Variants in STAG1 observed in about 807,000 individuals in gnomAD.
The protein encoded by STAG1 is STAG1 cohesin complex component, also known as cohesin subunit SA-1.
STAG1 carries 26 observed loss-of-function variants against 170.9 expected under a neutral mutation model. The ratio of observed to expected loss-of-function variants is 0.15; its 90% CI spans 0.11 to 0.21. STAG1 has a LOEUF of 0.21. Among genes scored for constraint, STAG1 ranks in the 10% least tolerant of loss-of-function variants. The probability of loss-of-function intolerance (pLI) is 1.00; values close to 1 mark genes in which losing one functional copy is unlikely to be tolerated. For synonymous variants in STAG1, 514 were observed against 497.7 expected (o/e 1.03, Z -0.44); for missense variants, 964 against 1,509.5 (o/e 0.64, Z 5.99).
At chr3:136,659,908 A>G (rs918016027) in intron 1 of STAG1, among the ~76,000 whole-genome samples, 1 of 152,170 alleles carries the variant, frequency 6.6e-6, no homozygotes, top group African/African-American at 2.4e-5. Context: ...GCTGGGCATG[A>G]TAGTTCATAT....
intron 1 of STAG1, among the ~76,000 whole-genome samples, chr3:136,648,430 C>T (rs1941104856): frequency 1.3e-5 from 2 of 152,192 alleles, no homozygotes; most frequent in Non-Finnish European, 1.5e-5. Flanking sequence ...ATGACTCCAA[C>T]ATCTTTATTT....
chr3:136,377,228 A>T (rs538603519), intron 23 of STAG1, among the ~76,000 whole-genome samples: 77 of 149,370 alleles, frequency 5.2e-4, no homozygotes, highest in African/African-American at 1.9e-3. Context: ...TCTACTAAAA[A>T]TACAAAAAAT....
intron 9 of STAG1, among the ~76,000 whole-genome samples, chr3:136,488,474 A>G (rs1299217762): frequency 6.6e-6 from 1 of 152,252 alleles, no homozygotes; most frequent in Non-Finnish European, 1.5e-5. Context: ...TTACATGGCA[A>G]AAGATAATTA....
At chr3:136,601,437 A>T (rs1369410715) in intron 4 of STAG1, among the ~76,000 whole-genome samples, 1 of 152,204 alleles carries the variant, frequency 6.6e-6, no homozygotes, top group East Asian at 1.9e-4. Context: ...AAGAAGTTGA[A>T]AGGTGGGTTA....
chr3:136,714,919 A>C (rs1393638566), intron 1 of STAG1, among the ~76,000 whole-genome samples: 5 of 124,116 alleles, frequency 4.0e-5, no homozygotes, highest in Non-Finnish European at 8.1e-5. Flanking sequence ...AAAAAAAAAA[A>C]AAACAAATAT....
intron 6 of STAG1, among the ~76,000 whole-genome samples, chr3:136,526,541 CTT>C (rs1343807136): frequency 1.3e-5 from 2 of 152,274 alleles, no homozygotes; most frequent in East Asian, 1.9e-4. Context: ...GGTCTTGACT[CTT>C]TATCCAATTT....
At chr3:136,428,752 T>C (rs1448103509) in intron 16 of STAG1, among the ~76,000 whole-genome samples, 1 of 152,104 alleles carries the variant, frequency 6.6e-6, no homozygotes, top group Non-Finnish European at 1.5e-5. Flanking sequence ...ACAGAACCAA[T>C]CAAGAAAATC....
At chr3:136,378,103 GAAA>G (rs1412925063) in intron 22 of STAG1, among the ~76,000 whole-genome samples, 1 of 152,178 alleles carries the variant, frequency 6.6e-6, no homozygotes, top group African/African-American at 2.4e-5. Context: ...GCAGCACACT[GAAA>G]AAACTCAATT....
chr3:136,703,826 A>T (rs1000022039), intron 1 of STAG1, among the ~76,000 whole-genome samples: 3 of 152,002 alleles, frequency 2.0e-5, no homozygotes, highest in Non-Finnish European at 4.4e-5. Flanking sequence ...CCTGGCCAAC[A>T]TGGTGAAACC....
intron 6 of STAG1, among the ~76,000 whole-genome samples, chr3:136,530,305 G>A (rs1257708044): frequency 4.6e-5 from 7 of 151,992 alleles, no homozygotes; most frequent in African/African-American, 1.2e-4. Flanking sequence ...CTCAGCATTC[G>A]ATCATCTAGA....
intron 32 of STAG1, among the ~76,000 whole-genome samples, chr3:136,340,188 CTT>C (rs980799520): frequency 3.3e-5 from 5 of 152,082 alleles, no homozygotes; most frequent in African/African-American, 1.2e-4. Flanking sequence ...GAGTTTCGCT[CTT>C]GTTGTCCAGG....
intron 1 of STAG1, among the ~76,000 whole-genome samples, chr3:136,722,885 G>T (rs978869693): frequency 2.0e-5 from 3 of 152,174 alleles, no homozygotes; most frequent in African/African-American, 4.8e-5. Context: ...GTGGAGACGG[G>T]GTTTCGCTGT....
intron 9 of STAG1, among the ~76,000 whole-genome samples, chr3:136,494,859 G>A (rs1932998258): frequency 6.6e-6 from 1 of 152,064 alleles, no homozygotes. Context: ...ATTAAGATAA[G>A]GAATAAATTC....
At chr3:136,527,351 A>G (rs1023211203) in intron 6 of STAG1, among the ~76,000 whole-genome samples, 1 of 152,026 alleles carries the variant, frequency 6.6e-6, no homozygotes, top group African/African-American at 2.4e-5. Flanking sequence ...TTTGATCTTC[A>G]ATCACCGATA....
At chr3:136,379,898 C>G (rs1469400103) in intron 22 of STAG1, among the ~76,000 whole-genome samples, 1 of 152,132 alleles carries the variant, frequency 6.6e-6, no homozygotes, top group Non-Finnish European at 1.5e-5. Flanking sequence ...TGAGGAACTA[C>G]TGAAGAAGGA....
intron 1 of STAG1, among the ~76,000 whole-genome samples, chr3:136,730,423 AC>A (rs1202102771): frequency 3.3e-5 from 5 of 152,174 alleles, no homozygotes; most frequent in Non-Finnish European, 7.4e-5. Context: ...CCTGGACTCA[AC>A]CACTTTCCAG....
rs71626007 is a variant in STAG1 at position 136,589,628 on chromosome 3, C to CAAA, written c.297+14678_297+14680dup. On this transcript the variant is annotated intron_variant, in intron 4 of 33. Transcript: ENST00000383202. ...CTCCAGCCTGGGCAACAAAGGGAGC[C>CAAA]AAAAAAAAAAAAAAAAAAAAAGCCA... Among the ~76,000 whole-genome samples the CAAA allele has an allele frequency of 8.6e-3, 396 of 46,128 alleles. 12 individuals are homozygous for CAAA. Among genetic ancestry groups the CAAA allele is most frequent in the African/African-American group, 0.026 (369 of 14,190 alleles). 30.3% of individuals were successfully genotyped at this position (46,128 alleles called of 152,430 possible). A position where few individuals can be genotyped will look rare whatever the true frequency, so the allele number is the denominator to read the frequency against.
At chr3:136,407,143 C>A (rs532677750) in intron 21 of STAG1, among the ~76,000 whole-genome samples, 1 of 152,304 alleles carries the variant, frequency 6.6e-6, no homozygotes, top group African/African-American at 2.4e-5. Context: ...TCTCCTGCCT[C>A]AGCCTCCTGA....
intron 22 of STAG1, among the ~76,000 whole-genome samples, chr3:136,379,029 A>G (rs1937777986): frequency 1.3e-5 from 2 of 152,328 alleles, no homozygotes; most frequent in South Asian, 4.1e-4. Context: ...AATTACACAC[A>G]TATTTTCTTT....
Sources: allele counts gnomAD v4.1 joint callset (sites outside exome capture counted in the v4.1 genomes callset), GRCh38; gene constraint gnomAD v4.1.1; transcripts MANE v1.5; gene names NCBI Gene and HGNC (gene_info 2026-07-23, HGNC 2026-07-21).